The following CES1 variants were observed in gnomAD, a reference collection of about 807,000 sequenced individuals.
CES1 encodes liver carboxylesterase 1.
Under a neutral mutation model 53.0 loss-of-function variants are expected in CES1, and 50 were observed. The ratio of observed to expected loss-of-function variants is 0.94; its 90% confidence interval spans 0.75 to 1.19. The LOEUF (loss-of-function observed/expected upper bound fraction) is 1.19. Ranked by LOEUF, CES1 falls within the 50% of genes most tolerant of loss-of-function variation. The probability of loss-of-function intolerance (pLI) is 0.00; values close to 1 mark genes in which losing one functional copy is unlikely to be tolerated. For missense variants in CES1, 534 were observed against 538.0 expected, an observed-to-expected ratio of 0.99 and a Z score of 0.07; for synonymous variants, 202 against 210.1, an observed-to-expected ratio of 0.96 and a Z score of 0.33.
intron 9 of CES1, among the ~76,000 whole-genome samples, chr16:55,811,724 C>A (rs1352844689): frequency 6.6e-6 from 1 of 152,202 alleles, no homozygotes; most frequent in Non-Finnish European, 1.5e-5. Context: ...AGAGCAGTTA[C>A]TTTAGAAGCC....
chr16:55,810,645 A>G lies in CES1; in HGVS notation c.1190T>C (p.Ile397Thr). 6.2e-7 allele frequency: 1 copy of G among 1,614,180 alleles called. No individual in the cohort carries two copies. The part of the protein sequence containing the change: ...YPLVCIAKEL[I>T]PEATEKYLGG... Reference sequence around the variant, plus strand: ...TAAGTATTTCTCAGTGGCTTCTGGAATCAGTTCCTTAGCAATGCACTGAAA... The same window carrying G: ...TAAGTATTTCTCAGTGGCTTCTGGAGTCAGTTCCTTAGCAATGCACTGAAA... The change falls in exon 11 of 14, where the codon ATT (isoleucine) becomes ACT (threonine). Residue 397 changes from isoleucine (I) to threonine (T), a missense_variant. Ile to Thr is a moderately conservative substitution (Grantham distance 89). Coordinates refer to ENST00000360526, the MANE Select transcript of CES1 (RefSeq NM_001025195.2).
intron 1 of CES1, among the ~76,000 whole-genome samples, chr16:55,832,523 C>T (rs1325969252): frequency 6.6e-6 from 1 of 152,232 alleles, no homozygotes; most frequent in Non-Finnish European, 1.5e-5. Context: ...GTAGGCAGCA[C>T]TGCCACCTCT....
chr16:55,829,859 G>A (rs1412813819), intron 1 of CES1, among the ~76,000 whole-genome samples: 10 of 152,218 alleles, frequency 6.6e-5, no homozygotes, highest in Non-Finnish European at 2.9e-5. Context: ...TTTCCTCACT[G>A]AGCTGAAATT....
At chr16:55,814,945 G>T (rs1675571777) in intron 8 of CES1, among the ~76,000 whole-genome samples, 1 of 152,248 alleles carries the variant, frequency 6.6e-6, no homozygotes, top group South Asian at 2.1e-4. Context: ...AGGCAGGGCT[G>T]CTGTGGGAGG....
rs188280866 is a variant in CES1 at position 55,810,411 on chromosome 16, G to A, written c.1318+106C>T. 2.1e-6 allele frequency: 3 copies of A among 1,452,152 alleles called. No homozygotes were observed. In the African/African-American group the frequency reaches 4.2e-5, roughly 20 times the overall value. 90.0% of individuals were successfully genotyped at this position (1,452,152 alleles called of 1,614,324 possible). ...ATGCCATATGGAATCAGCCTTTGAG[G>A]CCTGACCCTCAGCTGTTTCCATGTC... On this transcript the variant is annotated intron_variant, in intron 11 of 13. Coordinates refer to ENST00000360526, the MANE Select transcript of CES1 (RefSeq NM_001025195.2).
intron 5 of CES1, 58 bp from the exon 6 acceptor site, chr16:55,820,537 C>A (rs1340210456): frequency 2.5e-6 from 4 of 1,610,704 alleles, no homozygotes; most frequent in Non-Finnish European, 3.4e-6. Context: ...CAGTGACTCA[C>A]TCGCTATTCC....
At chr16:55,811,614 T>A (rs2031701789) in intron 9 of CES1, among the ~76,000 whole-genome samples, 1 of 152,130 alleles carries the variant, frequency 6.6e-6, no homozygotes, top group African/African-American at 2.4e-5. Flanking sequence ...GACCCCAGTA[T>A]CCTTAACATA....
At chr16:55,817,066 G>A (rs532743554) in intron 7 of CES1, 104 bp from the exon 8 acceptor site, 123 of 1,236,028 alleles carry the variant, frequency 1.0e-4, no homozygotes, top group Admixed American at 2.3e-4. Context: ...GCATCACTCC[G>A]TGAATTCGTA....
intron 2 of CES1, among the ~76,000 whole-genome samples, chr16:55,826,564 A>G (rs1260932755): frequency 2.0e-5 from 3 of 152,134 alleles, no homozygotes; most frequent in African/African-American, 7.2e-5. Context: ...AGGAGGGGAG[A>G]CCACTAATAC....
At chr16:55,808,890 A>AT (rs2031552938) in intron 11 of CES1, among the ~76,000 whole-genome samples, 1 of 152,192 alleles carries the variant, frequency 6.6e-6, no homozygotes, top group South Asian at 2.1e-4. Flanking sequence ...GACATGGAAA[A>AT]TCTTTAGACG....
rs2031761788 is a variant in CES1 at position 55,812,886 on chromosome 16, G to A, written c.1086+17C>T. 6.2e-7 allele frequency: 1 copy of A among 1,613,770 alleles called. No individual in the cohort carries two copies. Among genetic ancestry groups the A allele is most frequent in the Non-Finnish European group, 8.5e-7 (1 of 1,180,038 alleles). Reference sequence around the variant, plus strand: ...TGGGGGTGGTTGAGTCCCTCCAACAGACATGTGCCTTCTCACCATTGGAAT... The same window carrying A: ...TGGGGGTGGTTGAGTCCCTCCAACAAACATGTGCCTTCTCACCATTGGAAT... On this transcript the variant is annotated intron_variant, in intron 9 of 13. Coordinates refer to ENST00000360526, the MANE Select transcript of CES1 (RefSeq NM_001025195.2).
Position 55,812,870 on chromosome 16 carries a change from T to G in CES1, c.1086+33A>C, listed in dbSNP as rs368424717. 8.1e-6 allele frequency: 13 copies of G among 1,613,080 alleles called. No individual in the cohort carries two copies. In the African/African-American group the frequency reaches 1.2e-4, roughly 15 times the overall value. On this transcript the variant is annotated intron_variant, in intron 9 of 13. Coordinates refer to ENST00000360526, the MANE Select transcript of CES1 (RefSeq NM_001025195.2). ...GAGACAGGAGGGCTGATGGGGGTGGTTGAGTCCCTCCAACAGACATGTGCC... is the reference window on the plus strand; with the variant it reads ...GAGACAGGAGGGCTGATGGGGGTGGGTGAGTCCCTCCAACAGACATGTGCC...
intron 4 of CES1, among the ~76,000 whole-genome samples, chr16:55,822,792 G>C (rs1425403521): frequency 6.6e-6 from 1 of 152,094 alleles, no homozygotes; most frequent in African/African-American, 2.4e-5. Flanking sequence ...GTGGCCATCT[G>C]CTGCTGCTGG....
rs577174133 is a variant in CES1, at chr16:55,814,318, GC to G, written c.946-1276del. 5.3e-3 allele frequency among the ~76,000 whole-genome samples: 804 copies of G among 152,338 alleles called. 4 individuals are homozygous for G. The highest frequency in any genetic ancestry group is 0.011 in the Admixed American group (163 of 15,304). On this transcript the variant is annotated intron_variant, in intron 8 of 13. Coordinates refer to ENST00000360526, the MANE Select transcript of CES1 (RefSeq NM_001025195.2). ...TTAGAGAGAGCCCAACTCATGTGTT[GC>G]CATCAGGGCAGCTGGTTCTGGGTAC...
chr16:55,812,915 C>T lies in CES1; in HGVS notation c.1074G>A (p.Trp358Ter). Reference sequence around the variant, plus strand: ...TGTGCCTTCTCACCATTGGAATCAACCAGCCAAACTCCTGCTTGTTAATTC... The same window carrying T: ...TGTGCCTTCTCACCATTGGAATCAATCAGCCAAACTCCTGCTTGTTAATTC... ...MVGINKQEFG[W>*]LIPMQLMSYP... is the part of the protein sequence containing the mutation. Residue 358 changes from tryptophan to a stop codon, truncating the protein, a stop_gained, in exon 9 of 14, where the codon TGG becomes TGA. Coordinates refer to ENST00000360526, the MANE Select transcript of CES1 (RefSeq NM_001025195.2). LOFTEE classifies it high-confidence loss of function. The T allele has an allele frequency of 5.6e-6, 9 of 1,614,148 alleles. No individual in the cohort carries two copies. The highest frequency in any genetic ancestry group is 7.6e-6 in the Non-Finnish European group (9 of 1,180,030).
At chr16:55,822,925 T>A (rs1329418271) in intron 4 of CES1, among the ~76,000 whole-genome samples, 3 of 151,464 alleles carry the variant, frequency 2.0e-5, no homozygotes, top group Non-Finnish European at 4.4e-5. Context: ...TTAGAAAAGG[T>A]TCATAGCAGT....
chr16:55,832,822 G>A (rs1412055785), intron 1 of CES1, among the ~76,000 whole-genome samples, 182 bp downstream of exon 1: 2 of 152,210 alleles, frequency 1.3e-5, no homozygotes, highest in Non-Finnish European at 2.9e-5. Flanking sequence ...CCCTCCCTGC[G>A]TCTCCGCGCG....
intron 7 of CES1, among the ~76,000 whole-genome samples, chr16:55,817,357 C>G (rs1466900085): frequency 6.6e-6 from 1 of 152,168 alleles, no homozygotes; most frequent in Non-Finnish European, 1.5e-5. Context: ...CATCTGGACC[C>G]AGCCATGCCT....
At chr16:55,822,832 G>A (rs1226109571) in intron 4 of CES1, among the ~76,000 whole-genome samples, 2 of 152,066 alleles carry the variant, frequency 1.3e-5, no homozygotes, top group African/African-American at 2.4e-5. Context: ...TGGAGAGCAG[G>A]GGGAGGTCAT....
Sources: gnomAD v4.1 joint callset for allele counts (sites outside exome capture counted in the v4.1 genomes callset) on GRCh38, gnomAD v4.1.1 for gene constraint, MANE v1.5 for transcripts, NCBI Gene and HGNC (gene_info 2026-07-23, HGNC 2026-07-21) for gene names.